Variants in BRIP1 observed in about 807,000 individuals in gnomAD.
The protein encoded by BRIP1 is BRCA1 interacting DNA helicase 1.
A neutral mutation model predicts 119.7 loss-of-function variants in BRIP1; 88 were observed. The ratio of observed to expected loss-of-function variants is 0.74; its 90% CI spans 0.62 to 0.88. The LOEUF (loss-of-function observed/expected upper bound fraction) is 0.88, where lower values mean the gene tolerates loss of function less well. Ranked by LOEUF, BRIP1 falls within the 40% of genes least tolerant of loss-of-function variation. The probability of loss-of-function intolerance (pLI) is 0.00; values close to 1 mark genes in which losing one functional copy is unlikely to be tolerated. For missense variants in BRIP1, 1,259 were observed against 1,455.4 expected (o/e 0.87, Z 2.20); for synonymous variants, 443 against 496.5 (o/e 0.89, Z 1.43).
At position 61,711,153 on chromosome 17, in the gene BRIP1, A is replaced by G. The variant is rs563686139; in HGVS notation, c.2492+4798T>C. On this transcript the variant is annotated intron_variant, in intron 17 of 19. Transcript: ENST00000259008. ...CTGGAAGTGATTGGTAGAAGAATCAAATGAGATAATATATGTGGAGAAGGT... is the reference window on the plus strand; with the variant it reads ...CTGGAAGTGATTGGTAGAAGAATCAGATGAGATAATATATGTGGAGAAGGT... Among the ~76,000 whole-genome samples the G allele has an allele frequency of 3.9e-5, 6 of 152,302 alleles. No individual in the cohort carries two copies. In the South Asian group the frequency reaches 1.2e-3, roughly 32 times the overall value.
At chr17:61,854,166 G>A (rs534562683) in intron 4 of BRIP1, among the ~76,000 whole-genome samples, 1 of 152,238 alleles carries the variant, frequency 6.6e-6, no homozygotes, top group Admixed American at 6.5e-5. Context: ...CTACTAGGGA[G>A]TGTGAAGTGT....
rs1179060994 is a variant in BRIP1 at position 61,795,974 on chromosome 17, T to G, written c.1341-2245A>C. Among the ~76,000 whole-genome samples, 1 of 152,112 alleles carries G rather than the reference T, an allele frequency of 6.6e-6. No homozygotes were observed. ...TAACTGGGGTGAGGTGATATCTCAT[T>G]GTAGTTTTGATCAGCAGAGAAATGC... On this transcript the variant is annotated intron_variant, in intron 9 of 19. Transcript: ENST00000259008. This position sits in a 1 kb window ranked among gnomAD's most constrained non-coding sequence, Gnocchi z 5.6.
At chr17:61,711,946 C>A (rs2061783884) in intron 17 of BRIP1, among the ~76,000 whole-genome samples, 1 of 151,678 alleles carries the variant, frequency 6.6e-6, no homozygotes, top group Non-Finnish European at 1.5e-5. Context: ...TGTTCTAGGG[C>A]TTAAATCTAG....
intron 6 of BRIP1, among the ~76,000 whole-genome samples, chr17:61,839,985 C>T (rs1349609478): frequency 6.6e-6 from 1 of 152,096 alleles, no homozygotes; most frequent in Non-Finnish European, 1.5e-5. Flanking sequence ...AGGTACTCAA[C>T]CAAGGGCACA....
At chr17:61,826,208 T>C (rs1286221757) in intron 6 of BRIP1, among the ~76,000 whole-genome samples, 2 of 152,106 alleles carry the variant, frequency 1.3e-5, no homozygotes, top group Non-Finnish European at 2.9e-5. Flanking sequence ...ATGTAGAAGA[T>C]TGAAACTGGA....
chr17:61,773,302 C>T (rs1239510350), intron 14 of BRIP1, among the ~76,000 whole-genome samples: 1 of 152,052 alleles, frequency 6.6e-6, no homozygotes, highest in Admixed American at 6.6e-5. Context: ...TAAAAACAAG[C>T]AATGGGGAAA....
rs2078081132 is a variant in BRIP1, at chr17:61,806,848, C to A, written c.918+1619G>T. 6.6e-6 allele frequency among the ~76,000 whole-genome samples: 1 copy of A among 152,152 alleles called. No homozygotes were observed. The highest frequency in any genetic ancestry group is 2.4e-5 in the African/African-American group (1 of 41,422). Reference sequence around the variant, plus strand: ...AAGTAGCTGGGATTACAAGCATGCGCCACCACGCCCAGCTAATTTTTTGTA... The same window carrying A: ...AAGTAGCTGGGATTACAAGCATGCGACACCACGCCCAGCTAATTTTTTGTA... On this transcript the variant is annotated intron_variant, in intron 7 of 19. Coordinates refer to ENST00000259008, the MANE Select transcript of BRIP1 (RefSeq NM_032043.3). The surrounding 1 kb of genome is among the most constrained non-coding windows in gnomAD (Gnocchi z 4.9).
rs1200935523 is a variant in BRIP1, at chr17:61,845,761, CA to C, written c.627+1339del. Among the ~76,000 whole-genome samples the C allele has an allele frequency of 6.6e-6, 1 of 152,114 alleles. No individual in the cohort carries two copies. Among genetic ancestry groups the C allele is most frequent in the East Asian group, 1.9e-4 (1 of 5,202 alleles). On this transcript the variant is annotated intron_variant, in intron 6 of 19. Transcript: ENST00000259008. The surrounding 1 kb of genome is among the most constrained non-coding windows in gnomAD (Gnocchi z 4.2). ...AGGACATCCATCCTGCTTCTGTATGCAAAAGTGTTTTATGAGTTCTATTCAT... is the reference window on the plus strand; with the variant it reads ...AGGACATCCATCCTGCTTCTGTATGCAAAGTGTTTTATGAGTTCTATTCAT...
chr17:61,819,181 G>A (rs968018318), intron 6 of BRIP1, among the ~76,000 whole-genome samples: 1 of 54,110 alleles, frequency 1.8e-5, no homozygotes, highest in Non-Finnish European at 3.4e-5. Context: ...GTGAGAATTT[G>A]TCTCAAAAAA....
Position 61,816,676 on chromosome 17 carries a change from A to G in BRIP1, c.628-7919T>C, listed in dbSNP as rs2078241416. 6.6e-6 allele frequency among the ~76,000 whole-genome samples: 1 copy of G among 152,224 alleles called. No individual in the cohort carries two copies. Among genetic ancestry groups the G allele is most frequent in the African/African-American group, 2.4e-5 (1 of 41,464 alleles). Reference sequence around the variant, plus strand: ...AATAGAACTTTACATAGATGTGATTATAGCAATGAGTCTCAAAGCAGTGAT... The same window carrying G: ...AATAGAACTTTACATAGATGTGATTGTAGCAATGAGTCTCAAAGCAGTGAT... On this transcript the variant is annotated intron_variant, in intron 6 of 19. Transcript: ENST00000259008. The surrounding 1 kb of genome is among the most constrained non-coding windows in gnomAD (Gnocchi z 5.0).
chr17:61,698,438 G>C (rs1217072972), intron 17 of BRIP1, among the ~76,000 whole-genome samples: 1 of 152,152 alleles, frequency 6.6e-6, no homozygotes, highest in African/African-American at 2.4e-5. Context: ...ATGTTCACTT[G>C]AGCAGAATGC....
At chr17:61,820,023 CAAAATTA>C (rs1156517145) in intron 6 of BRIP1, among the ~76,000 whole-genome samples, 1 of 148,216 alleles carries the variant, frequency 6.7e-6, no homozygotes, top group East Asian at 2.0e-4. Context: ...ATGTACCCAC[CAAAATTA>C]AAAATTAAAA....
chr17:61,818,821 G>T (rs772139045), intron 6 of BRIP1, among the ~76,000 whole-genome samples: 1 of 152,052 alleles, frequency 6.6e-6, no homozygotes, highest in Non-Finnish European at 1.5e-5. Flanking sequence ...ATGAAAAGGT[G>T]CTCAACATCA....
At chr17:61,721,339 G>C (rs563367154) in intron 16 of BRIP1, among the ~76,000 whole-genome samples, 117 of 138,858 alleles carry the variant, frequency 8.4e-4, no homozygotes, top group African/African-American at 3.1e-3. Context: ...GCGCGATCTT[G>C]GCTCACTGCA....
chr17:61,696,985 CAAA>C (rs775489853), intron 17 of BRIP1, among the ~76,000 whole-genome samples: 21 of 72,624 alleles, frequency 2.9e-4, no homozygotes, highest in South Asian at 1.1e-3. Context: ...GACTCTGTCT[CAAA>C]AAAAAAAAAA....
chr17:61,779,133 G>A (rs905313303), intron 13 of BRIP1, among the ~76,000 whole-genome samples: 2 of 152,138 alleles, frequency 1.3e-5, no homozygotes, highest in Non-Finnish European at 2.9e-5. Flanking sequence ...TAAATCATAG[G>A]ACTCATAAGA....
Position 61,780,234 on chromosome 17 carries a change from C to T in BRIP1, c.1935+27G>A, listed in dbSNP as rs1326480681. 2 of 1,596,654 alleles carry T rather than the reference C, an allele frequency of 1.3e-6. No homozygotes were observed. Among genetic ancestry groups the T allele is most frequent in the Non-Finnish European group, 1.7e-6 (2 of 1,168,184 alleles). On this transcript the variant is annotated intron_variant, in intron 13 of 19. Transcript: ENST00000259008. The surrounding 1 kb of genome is among the most constrained non-coding windows in gnomAD (Gnocchi z 5.4). ...ATATTGAAGTAGAAACACTGAAGGC[C>T]TTCCAAAAAAAAAAACAACAACTAA...
rs575399205 is a variant in BRIP1, at chr17:61,823,113, A to T, written c.628-14356T>A. 4.6e-5 allele frequency among the ~76,000 whole-genome samples: 7 copies of T among 152,350 alleles called. No individual in the cohort carries two copies. The East Asian group carries it at 1.2e-3, about 25-fold the overall frequency. The stretch of plus-strand genomic sequence containing the variant: ...ATACATGTTTCCAATGCTGTTGTCA[A>T]TATCAATTATCTTCTGAATGAAACG... On this transcript the variant is annotated intron_variant, in intron 6 of 19. Coordinates refer to ENST00000259008, the MANE Select transcript of BRIP1 (RefSeq NM_032043.3). This position sits in a 1 kb window ranked among gnomAD's most constrained non-coding sequence, Gnocchi z 4.8.
intron 11 of BRIP1, among the ~76,000 whole-genome samples, chr17:61,781,902 C>T (rs1416856903): frequency 2.9e-5 from 4 of 137,344 alleles, no homozygotes; most frequent in Admixed American, 2.3e-4. Context: ...GCCTGGGTGA[C>T]GGAGCAAGAC....
Sources: allele counts gnomAD v4.1 joint callset (sites outside exome capture counted in the v4.1 genomes callset), GRCh38; gene constraint gnomAD v4.1.1; non-coding constraint Gnocchi (gnomAD v3.1); transcripts MANE v1.5; gene names NCBI Gene and HGNC (gene_info 2026-07-23, HGNC 2026-07-21).